The following KCNN2 variants were observed in gnomAD, a reference collection of about 807,000 sequenced individuals.
KCNN2 encodes the protein small conductance calcium-activated potassium channel protein 2.
Under a neutral mutation model 55.5 loss-of-function variants are expected in KCNN2, and 24 were observed. That is an observed-to-expected ratio of 0.43 (90% CI 0.31 to 0.61). The LOEUF (loss-of-function observed/expected upper bound fraction) is 0.61. Among genes scored for constraint, KCNN2 ranks in the 20% least tolerant of loss-of-function variants. The probability of loss-of-function intolerance (pLI) is 0.08; values close to 1 mark genes in which losing one functional copy is unlikely to be tolerated. For synonymous variants in KCNN2, 431 were observed against 336.1 expected, an observed-to-expected ratio of 1.28 and a Z score of -3.09; for missense variants, 754 against 853.6, an observed-to-expected ratio of 0.88 and a Z score of 1.45.
intron 2 of KCNN2, among the ~76,000 whole-genome samples, chr5:114,287,812 G>T (rs1313454530): frequency 6.6e-6 from 1 of 151,830 alleles, no homozygotes; most frequent in Admixed American, 6.6e-5. Flanking sequence ...ACTAGATAGG[G>T]TTGATGGTAA....
chr5:114,123,341 C>T (rs1751861308), intron 1 of KCNN2, among the ~76,000 whole-genome samples: 1 of 134,246 alleles, frequency 7.4e-6, no homozygotes, highest in East Asian at 2.2e-4. Context: ...GTAAGAGGTA[C>T]ATTTTCTTAA....
intron 1 of KCNN2, among the ~76,000 whole-genome samples, chr5:114,142,450 G>A (rs554512227): frequency 6.6e-6 from 1 of 152,224 alleles, no homozygotes; most frequent in South Asian, 2.1e-4. Context: ...CAGATGACAT[G>A]ATTGTATATT....
chr5:114,363,847 G>C, intron 1 of KCNN2, 59 bp from the exon 2 acceptor site: 5 of 1,239,568 alleles, frequency 4.0e-6, no homozygotes, highest in South Asian at 1.2e-5. Context: ...CTCTGGGGAC[G>C]TGGAAGGCGG....
chr5:114,115,327 T>C (rs1348068050), intron 1 of KCNN2, among the ~76,000 whole-genome samples: 1 of 152,172 alleles, frequency 6.6e-6, no homozygotes, highest in Admixed American at 6.5e-5. Context: ...ATTTGTCACC[T>C]ATAAAATGCT....
At chr5:114,090,380 G>A (rs1751113089) in intron 1 of KCNN2, among the ~76,000 whole-genome samples, 1 of 152,056 alleles carries the variant, frequency 6.6e-6, no homozygotes, top group South Asian at 2.1e-4. Flanking sequence ...TTAAAACCTA[G>A]GAGGAAAAGT....
At chr5:114,152,808 C>A (rs568316207) in intron 1 of KCNN2, among the ~76,000 whole-genome samples, 2 of 152,090 alleles carry the variant, frequency 1.3e-5, no homozygotes, top group East Asian at 1.9e-4. Flanking sequence ...GAGATGCCAG[C>A]ATGTAAAAAG....
At chr5:114,486,539 A>G in intron 5 of KCNN2, 4 of 291,260 alleles carry the variant, frequency 1.4e-5, no homozygotes, top group East Asian at 1.0e-4. Flanking sequence ...TAACAAGCAT[A>G]CAAATTGCTA....
chr5:114,473,296 T>C (rs1229640626), intron 5 of KCNN2, 132 bp downstream of exon 5: 1 of 664,404 alleles, frequency 1.5e-6, no homozygotes, highest in African/African-American at 1.8e-5. Context: ...TTGGAATCAC[T>C]TCCATTTTAT....
intron 1 of KCNN2, among the ~76,000 whole-genome samples, chr5:114,090,147 T>C (rs1473784554): frequency 6.6e-6 from 1 of 152,178 alleles, no homozygotes; most frequent in African/African-American, 2.4e-5. Context: ...AAGGCAATCG[T>C]ATGGATTTTT....
intron 1 of KCNN2, among the ~76,000 whole-genome samples, chr5:114,171,665 G>T (rs1202076200): frequency 8.9e-6 from 1 of 112,352 alleles, no homozygotes; most frequent in African/African-American, 3.1e-5. Context: ...CCAGAGCCTC[G>T]CTTTTCTTAT....
In KCNN2 at chr5:114,397,478, C is replaced by G. The variant is rs1758654719; in HGVS notation, c.1219-6960C>G. ...CTTGGCTCACTGCAACCTCTGCTTC[C>G]TGGGTTCAAGTGATTCTTCTGTCTC... is the stretch of plus-strand genomic sequence containing the variant. On this transcript the variant is annotated intron_variant, in intron 2 of 7. Coordinates refer to ENST00000673685, the MANE Select transcript of KCNN2 (RefSeq NM_021614.4). Among the ~76,000 whole-genome samples, 3 of 152,152 alleles carry G rather than the reference C, an allele frequency of 2.0e-5. No homozygotes were observed. In the South Asian group the frequency reaches 6.2e-4, roughly 32 times the overall value.
intron 2 of KCNN2, among the ~76,000 whole-genome samples, chr5:114,385,519 G>GCACA (rs10548694): frequency 0.04 from 5,670 of 143,368 alleles, 131 homozygotes; most frequent in Middle Eastern, 0.063. Context: ...ACACATGCGC[G>GCACA]CACACACACA....
intron 2 of KCNN2, among the ~76,000 whole-genome samples, chr5:114,329,020 A>G (rs1475870874): frequency 1.3e-5 from 2 of 152,120 alleles, no homozygotes. Flanking sequence ...TATTCCTTAC[A>G]TTGAATGTTC....
intron 2 of KCNN2, among the ~76,000 whole-genome samples, chr5:114,306,788 C>T (rs1356952756): frequency 6.6e-6 from 1 of 151,472 alleles, no homozygotes; most frequent in Non-Finnish European, 1.5e-5. Flanking sequence ...GCAACTTCCG[C>T]CTCCCAGATT....
At chr5:114,400,362 C>T (rs1048323217) in intron 2 of KCNN2, among the ~76,000 whole-genome samples, 2 of 152,166 alleles carry the variant, frequency 1.3e-5, no homozygotes, top group African/African-American at 4.8e-5. Context: ...TGACAGTCCC[C>T]CAATTTAGGT....
chr5:114,205,106 T>A (rs898871905), intron 1 of KCNN2, among the ~76,000 whole-genome samples: 2 of 152,030 alleles, frequency 1.3e-5, no homozygotes, highest in Non-Finnish European at 2.9e-5. Flanking sequence ...ATTCAATAAG[T>A]CACTCCTGTG....
At chr5:114,308,233 G>A (rs139599616) in intron 2 of KCNN2, among the ~76,000 whole-genome samples, 183 of 152,202 alleles carry the variant, frequency 1.2e-3, no homozygotes, top group African/African-American at 4.4e-3. Context: ...TGACTGGTAG[G>A]GGATCTAGCT....
chr5:114,164,378 A>T (rs537393212), intron 1 of KCNN2, among the ~76,000 whole-genome samples: 5 of 152,312 alleles, frequency 3.3e-5, no homozygotes, highest in Middle Eastern at 3.4e-3. Context: ...TTAGCTTTCC[A>T]TTTTAAAATT....
intron 2 of KCNN2, among the ~76,000 whole-genome samples, chr5:114,396,891 G>A (rs1256328826): frequency 1.3e-5 from 2 of 152,072 alleles, no homozygotes; most frequent in East Asian, 3.9e-4. Context: ...CTACCCTCAG[G>A]TAGGCCCTGG....
Sources: gnomAD v4.1 joint callset for allele counts (sites outside exome capture counted in the v4.1 genomes callset) on GRCh38, gnomAD v4.1.1 for gene constraint, MANE v1.5 for transcripts, NCBI Gene and HGNC (gene_info 2026-07-23, HGNC 2026-07-21) for gene names.